The following TRPM3 variants were observed in gnomAD, a reference collection of about 807,000 sequenced individuals.
TRPM3 encodes transient receptor potential cation channel subfamily M member 3.
A neutral mutation model predicts 181.2 loss-of-function variants in TRPM3; 77 were observed. That is an observed-to-expected ratio of 0.42 (90% CI 0.35 to 0.51). TRPM3 has a LOEUF of 0.51. Among genes scored for constraint, TRPM3 ranks in the 20% least tolerant of loss-of-function variants. The pLI is 0.01. For synonymous variants in TRPM3, 745 were observed against 796.4 expected (o/e 0.94, Z 1.09); for missense variants, 1,759 against 2,196.7 (o/e 0.80, Z 3.98).
intron 22 of TRPM3, among the ~76,000 whole-genome samples, chr9:70,570,620 T>C (rs1349075239): frequency 4.6e-5 from 7 of 152,162 alleles, no homozygotes; most frequent in Non-Finnish European, 7.3e-5. Flanking sequence ...GCCTTAGATA[T>C]TTTAAAAGTA....
At chr9:71,045,125 C>T (rs1346353589) in intron 1 of TRPM3, among the ~76,000 whole-genome samples, 1 of 151,714 alleles carries the variant, frequency 6.6e-6, no homozygotes, top group African/African-American at 2.4e-5. Flanking sequence ...GAGATGGAGT[C>T]TCGCTCTGTC....
intron 1 of TRPM3, among the ~76,000 whole-genome samples, chr9:71,200,888 T>G (rs1417971991): frequency 6.6e-6 from 1 of 150,766 alleles, no homozygotes; most frequent in African/African-American, 2.4e-5. Flanking sequence ...AAGTTAATAT[T>G]GTTATGTGTG....
At chr9:70,831,975 A>ATTTATATATATATATATATT (rs766965104) in intron 5 of TRPM3, among the ~76,000 whole-genome samples, 4 of 91,092 alleles carry the variant, frequency 4.4e-5, no homozygotes, top group African/African-American at 9.2e-5. Context: ...ATATATATAT[A>ATTTATATATATATATATATT]TATATATATA....
intron 1 of TRPM3, among the ~76,000 whole-genome samples, chr9:71,270,939 G>A (rs1588217167): frequency 2.6e-5 from 4 of 152,288 alleles, no homozygotes; most frequent in Admixed American, 2.6e-4. Flanking sequence ...TTGTTTGGGT[G>A]CACCATCTTG....
intron 3 of TRPM3, among the ~76,000 whole-genome samples, chr9:70,860,606 G>A (rs1458562114): frequency 2.6e-5 from 4 of 152,130 alleles, no homozygotes; most frequent in South Asian, 2.1e-4. Context: ...AGATGCTGTG[G>A]TCAACCAGTA....
intron 3 of TRPM3, among the ~76,000 whole-genome samples, chr9:70,859,287 G>A (rs1036313896): frequency 6.6e-6 from 1 of 152,200 alleles, no homozygotes; most frequent in African/African-American, 2.4e-5. Context: ...CCTCAGGAGG[G>A]CTGTCGAAGC....
At chr9:70,975,473 T>C (rs2097293760) in intron 1 of TRPM3, among the ~76,000 whole-genome samples, 1 of 152,200 alleles carries the variant, frequency 6.6e-6, no homozygotes, top group Non-Finnish European at 1.5e-5. Context: ...ATTTTATTCA[T>C]ATCAGTAGAA....
chr9:71,068,846 G>T (rs1286814938), intron 1 of TRPM3, among the ~76,000 whole-genome samples: 1 of 152,170 alleles, frequency 6.6e-6, no homozygotes, highest in East Asian at 1.9e-4. Flanking sequence ...GAAGGGATAT[G>T]TCACTAAGAA....
chr9:71,241,522 G>C (rs2081681485), intron 1 of TRPM3, among the ~76,000 whole-genome samples: 2 of 151,350 alleles, frequency 1.3e-5, no homozygotes, highest in Non-Finnish European at 2.9e-5. Context: ...GGGAGGGATA[G>C]CATTAGGAGA....
intron 1 of TRPM3, among the ~76,000 whole-genome samples, chr9:70,869,480 G>A (rs1019035245): frequency 1.3e-5 from 2 of 151,954 alleles, no homozygotes; most frequent in South Asian, 2.1e-4. Context: ...CTAGTGGTTG[G>A]AGCACACAAG....
At chr9:70,922,895 T>C (rs1238671620) in intron 1 of TRPM3, among the ~76,000 whole-genome samples, 1 of 152,168 alleles carries the variant, frequency 6.6e-6, no homozygotes, top group Non-Finnish European at 1.5e-5. Context: ...AATGTAATAT[T>C]TGGGGCCTGA....
At chr9:71,174,644 G>A (rs1444320414) in intron 1 of TRPM3, among the ~76,000 whole-genome samples, 1 of 152,134 alleles carries the variant, frequency 6.6e-6, no homozygotes, top group Non-Finnish European at 1.5e-5. Flanking sequence ...ACTGGGGAAT[G>A]CTAAGCAAAG....
chr9:70,537,366 C>CT lies in TRPM3; in HGVS notation c.3746dup (p.Arg1250GlufsTer83). 6.7e-7 allele frequency: 1 copy of CT among 1,493,818 alleles called. No individual in the cohort carries two copies. Among genetic ancestry groups the CT allele is most frequent in the Non-Finnish European group, 8.9e-7 (1 of 1,120,806 alleles). The allele number at this position is 1,493,818 out of a possible 1,614,324, so 92.5% of individuals were successfully genotyped here. On this transcript the variant is annotated frameshift_variant, in exon 26 of 26. Coordinates refer to ENST00000677713, the MANE Select transcript of TRPM3 (RefSeq NM_001366145.2). LOFTEE classifies it high-confidence loss of function. ...GTGAAGCCTTCATGGAGTGCTCTCT[C>CT]TCGTTGACTTCCTCCAGCCGCATAG...
At chr9:71,405,240 C>G (rs1185103276) in intron 1 of TRPM3, among the ~76,000 whole-genome samples, 1 of 152,182 alleles carries the variant, frequency 6.6e-6, no homozygotes, top group Non-Finnish European at 1.5e-5. Context: ...AAATTTTGCA[C>G]TTGCTTACTT....
chr9:71,155,197 G>C (rs996576984), intron 1 of TRPM3, among the ~76,000 whole-genome samples: 1 of 152,268 alleles, frequency 6.6e-6, no homozygotes, highest in East Asian at 1.9e-4. Flanking sequence ...ACCGTTGGGA[G>C]AGCTGGCTTA....
chr9:71,198,569 C>A (rs2078552964), intron 1 of TRPM3, among the ~76,000 whole-genome samples: 2 of 151,960 alleles, frequency 1.3e-5, no homozygotes, highest in Admixed American at 1.3e-4. Context: ...TTGTAGTTCT[C>A]CTTGAAGAGG....
At chr9:71,218,031 A>G (rs2080004149) in intron 1 of TRPM3, among the ~76,000 whole-genome samples, 1 of 152,218 alleles carries the variant, frequency 6.6e-6, no homozygotes, top group Admixed American at 6.5e-5. Flanking sequence ...AATTTTTTCC[A>G]ATAATAAGAT....
At chr9:70,644,707 G>T (rs1375712427) in intron 9 of TRPM3, among the ~76,000 whole-genome samples, 4 of 152,148 alleles carry the variant, frequency 2.6e-5, no homozygotes, top group African/African-American at 9.7e-5. Context: ...GTTCTGGCCA[G>T]GGAAATCAGG....
chr9:71,297,399 G>A (rs1449950425), intron 1 of TRPM3, among the ~76,000 whole-genome samples: 1 of 152,148 alleles, frequency 6.6e-6, no homozygotes, highest in Non-Finnish European at 1.5e-5. Flanking sequence ...ATAAACAACT[G>A]CCTGAGACTG....
Sources: gnomAD v4.1 joint callset for allele counts (sites outside exome capture counted in the v4.1 genomes callset) on GRCh38, gnomAD v4.1.1 for gene constraint, MANE v1.5 for transcripts, NCBI Gene and HGNC (gene_info 2026-07-23, HGNC 2026-07-21) for gene names.